FNDC3B: variants seen among roughly 807,000 people sequenced by gnomAD.
FNDC3B encodes fibronectin type III domain containing 3B.
A neutral mutation model predicts 151.5 loss-of-function variants in FNDC3B; 12 were observed. That is an observed-to-expected ratio of 0.08 (90% CI 0.05 to 0.13). The LOEUF (loss-of-function observed/expected upper bound fraction) is 0.13. FNDC3B is among the 10% of genes least tolerant of loss of function. FNDC3B has a pLI of 1.00. For synonymous variants in FNDC3B, 528 were observed against 549.0 expected, an observed-to-expected ratio of 0.96 and a Z score of 0.54; for missense variants, 1,214 against 1,505.3, an observed-to-expected ratio of 0.81 and a Z score of 3.20.
At chr3:172,144,729 A>AT (rs975079007) in intron 3 of FNDC3B, among the ~76,000 whole-genome samples, 3 of 150,742 alleles carry the variant, frequency 2.0e-5, no homozygotes, top group Admixed American at 6.6e-5. Context: ...TTAAGTGGGT[A>AT]TTTTTTTCCT....
chr3:172,382,407 A>G (rs921725844), intron 25 of FNDC3B, among the ~76,000 whole-genome samples: 2 of 152,264 alleles, frequency 1.3e-5, no homozygotes, highest in East Asian at 1.9e-4. Flanking sequence ...TTTTTCTCCC[A>G]TTCTGAAGGT....
chr3:172,273,585 A>C (rs1729303592), intron 6 of FNDC3B, among the ~76,000 whole-genome samples: 1 of 152,218 alleles, frequency 6.6e-6, no homozygotes, highest in African/African-American at 2.4e-5. Context: ...TCCACAAAGG[A>C]AGGTGTTTGT....
At chr3:172,347,123 C>T in intron 20 of FNDC3B, 89 bp from the exon 21 acceptor site, 2 of 1,186,714 alleles carry the variant, frequency 1.7e-6, no homozygotes, top group South Asian at 1.7e-5. Context: ...GCATGTTGCT[C>T]TCTTTCCCAT....
chr3:172,189,831 AAT>A lies in FNDC3B; in HGVS notation c.188-37039_188-37038del, dbSNP rs1180847338. ...AAAAAAAAAAAAAAAAAAAAAAAAA[AAT>A]CATGTCATTCAGTCATGTTTTTATT... On this transcript the variant is annotated intron_variant, in intron 3 of 25. Coordinates refer to ENST00000415807, the MANE Select transcript of FNDC3B (RefSeq NM_022763.4). Among the ~76,000 whole-genome samples the A allele has an allele frequency of 5.3e-5, 7 of 133,216 alleles. No homozygotes were observed. In the East Asian group the frequency reaches 1.3e-3, roughly 25 times the overall value. 87.4% of individuals were successfully genotyped at this position (133,216 alleles called of 152,430 possible). A position where few individuals can be genotyped will look rare whatever the true frequency, so the allele number is the denominator to read the frequency against.
At chr3:172,049,112 T>G (rs1379018128) in intron 1 of FNDC3B, among the ~76,000 whole-genome samples, 1 of 152,236 alleles carries the variant, frequency 6.6e-6, no homozygotes, top group Non-Finnish European at 1.5e-5. Flanking sequence ...TTTTTTGTTA[T>G]GTATATTTTA....
intron 1 of FNDC3B, among the ~76,000 whole-genome samples, chr3:172,053,640 C>T (rs1184110853): frequency 3.3e-5 from 5 of 152,080 alleles, no homozygotes; most frequent in Middle Eastern, 3.4e-3. Flanking sequence ...GGCGTGGTGG[C>T]GGGCACCTGT....
chr3:172,330,538 CA>C lies in FNDC3B; in HGVS notation c.1380-2del. On this transcript the variant is annotated splice_acceptor_variant, in intron 12 of 25. Transcript: ENST00000415807. LOFTEE classifies it high-confidence loss of function. The stretch of plus-strand genomic sequence containing the variant: ...CTGTGTGCCTCACTTTCTTTCTCTA[CA>C]GTGGTTATAGCCAAGAGGTGGTGTG... 6.2e-7 allele frequency: 1 copy of C among 1,609,116 alleles called. No individual in the cohort carries two copies.
rs192376974 is a variant in FNDC3B at position 172,320,011 on chromosome 3, C to T, written c.1255-8941C>T. On this transcript the variant is annotated intron_variant, in intron 11 of 25. Coordinates refer to ENST00000415807, the MANE Select transcript of FNDC3B (RefSeq NM_022763.4). ...GCACGTGACAACTGATAACCAAATTCATGGAACTTATTTAGCAGACAGTCA... is the reference window on the plus strand; with the variant it reads ...GCACGTGACAACTGATAACCAAATTTATGGAACTTATTTAGCAGACAGTCA... 1.8e-4 allele frequency among the ~76,000 whole-genome samples: 28 copies of T among 152,302 alleles called. 1 individual carries two copies. Among genetic ancestry groups the T allele is most frequent in the Admixed American group, 1.2e-3 (18 of 15,298 alleles).
chr3:172,084,486 T>TAC (rs58030452), intron 1 of FNDC3B, among the ~76,000 whole-genome samples: 5 of 149,550 alleles, frequency 3.3e-5, no homozygotes, highest in African/African-American at 7.4e-5. Context: ...CACACACACA[T>TAC]ACACACACAC....
intron 6 of FNDC3B, among the ~76,000 whole-genome samples, chr3:172,253,390 C>A (rs1446031683): frequency 6.6e-6 from 1 of 152,128 alleles, no homozygotes; most frequent in African/African-American, 2.4e-5. Context: ...TAAAACACTT[C>A]TTGTTCATGG....
At chr3:172,299,982 T>C (rs543869383) in intron 9 of FNDC3B, among the ~76,000 whole-genome samples, 172 of 152,372 alleles carry the variant, frequency 1.1e-3, no homozygotes, top group Non-Finnish European at 2.2e-3. Flanking sequence ...GTAATGTATA[T>C]CAGAGTAAGT....
chr3:172,319,787 G>A (rs1476881252), intron 11 of FNDC3B, among the ~76,000 whole-genome samples: 2 of 152,184 alleles, frequency 1.3e-5, no homozygotes, highest in African/African-American at 4.8e-5. Context: ...CCTAGGATCA[G>A]CCGGTGCTGG....
intron 9 of FNDC3B, among the ~76,000 whole-genome samples, chr3:172,306,386 G>A (rs542190277): frequency 6.6e-6 from 1 of 152,300 alleles, no homozygotes; most frequent in African/African-American, 2.4e-5. Flanking sequence ...GTTTCCTTCT[G>A]TCTGCAATGG....
chr3:172,235,341 T>A (rs956013106), intron 4 of FNDC3B, among the ~76,000 whole-genome samples: 1 of 152,176 alleles, frequency 6.6e-6, no homozygotes, highest in Non-Finnish European at 1.5e-5. Flanking sequence ...AATACAAAAT[T>A]TCAGTTGGAT....
chr3:172,285,208 G>C (rs912867312), intron 6 of FNDC3B, among the ~76,000 whole-genome samples: 2 of 152,048 alleles, frequency 1.3e-5, no homozygotes, highest in Non-Finnish European at 2.9e-5. Context: ...ATCACATCCA[G>C]TCCTTCAGGA....
chr3:172,235,783 A>G (rs2108753803), intron 4 of FNDC3B, among the ~76,000 whole-genome samples: 1 of 152,344 alleles, frequency 6.6e-6, no homozygotes, highest in East Asian at 1.9e-4. Flanking sequence ...GTTTAAATGT[A>G]AGGAATTATT....
At chr3:172,347,183 A>T in intron 20 of FNDC3B, 29 bp from the exon 21 acceptor site, 1 of 1,594,502 alleles carries the variant, frequency 6.3e-7, no homozygotes, top group Non-Finnish European at 8.6e-7. Flanking sequence ...CAGTGGCATT[A>T]TTAACTACTT....
At chr3:172,110,429 T>G (rs555576282) in intron 1 of FNDC3B, among the ~76,000 whole-genome samples, 1 of 151,958 alleles carries the variant, frequency 6.6e-6, no homozygotes, top group South Asian at 2.1e-4. Flanking sequence ...GACCCTCATC[T>G]CCCTCCCATT....
At chr3:172,347,153 G>T in intron 20 of FNDC3B, 59 bp from the exon 21 acceptor site, 2 of 1,466,464 alleles carry the variant, frequency 1.4e-6, no homozygotes, top group East Asian at 2.3e-5. Flanking sequence ...TTGAATACAA[G>T]CACAGTAGGA....
Sources: gnomAD v4.1 joint callset for allele counts (sites outside exome capture counted in the v4.1 genomes callset) on GRCh38, gnomAD v4.1.1 for gene constraint, MANE v1.5 for transcripts, NCBI Gene and HGNC (gene_info 2026-07-23, HGNC 2026-07-21) for gene names.